Variants in NFIB observed in about 807,000 individuals in gnomAD.
The protein encoded by NFIB is nuclear factor 1 B-type.
A neutral mutation model predicts 61.5 loss-of-function variants in NFIB; 11 were observed. The ratio of observed to expected loss-of-function variants is 0.18; its 90% confidence interval spans 0.11 to 0.30. The LOEUF (loss-of-function observed/expected upper bound fraction) is 0.30, where lower values mean the gene tolerates loss of function less well. Among genes scored for constraint, NFIB ranks in the 10% least tolerant of loss-of-function variants. The pLI is 1.00. For missense variants in NFIB, 471 were observed against 608.9 expected (o/e 0.77, Z 2.38); for synonymous variants, 260 against 216.5 (o/e 1.20, Z -1.76).
the NFIB span, among the ~76,000 whole-genome samples, chr9:14,460,534 T>A: frequency 3.3e-5 from 5 of 151,994 alleles, no homozygotes; most frequent in Non-Finnish European, 5.9e-5. Context: ...AAAAGAGGGC[T>A]ATTTCTGTTG....
chr9:14,266,796 T>A (rs2057239943), intron 2 of NFIB, among the ~76,000 whole-genome samples: 1 of 152,082 alleles, frequency 6.6e-6, no homozygotes, highest in Non-Finnish European at 1.5e-5. Context: ...ATCTATCCAT[T>A]CCTGTTGTTT....
At chr9:14,140,247 A>T (rs2131037315) in intron 6 of NFIB, among the ~76,000 whole-genome samples, 1 of 152,274 alleles carries the variant, frequency 6.6e-6, no homozygotes, top group East Asian at 1.9e-4. Context: ...GACTTCATTT[A>T]ATGTTAATGA....
chr9:14,346,113 GGGGCGCGCCGCGGGCGC>G (rs1304531026), intron 1 of NFIB, among the ~76,000 whole-genome samples: 1 of 152,110 alleles, frequency 6.6e-6, no homozygotes, highest in Non-Finnish European at 1.5e-5. Flanking sequence ...CACGGGAAGG[GGGGCGCGCCGCGGGCGC>G]GGGGGGCGCG....
intron 2 of NFIB, among the ~76,000 whole-genome samples, chr9:14,228,880 G>A (rs941746293): frequency 6.6e-6 from 1 of 151,898 alleles, no homozygotes; most frequent in Non-Finnish European, 1.5e-5. Context: ...TATGAAATGG[G>A]GACACATAAA....
At chr9:14,441,217 T>C in the NFIB span, among the ~76,000 whole-genome samples, 2 of 151,436 alleles carry the variant, frequency 1.3e-5, no homozygotes, top group African/African-American at 2.4e-5. Context: ...GGATAAACTA[T>C]TCATTAGCAA....
the NFIB span, among the ~76,000 whole-genome samples, chr9:14,512,586 C>G: frequency 1.3e-5 from 2 of 151,978 alleles, no homozygotes; most frequent in Non-Finnish European, 2.9e-5. Context: ...AATATGCATA[C>G]AGAAATAAAA....
At chr9:14,413,459 A>G in the NFIB span, among the ~76,000 whole-genome samples, 1 of 152,176 alleles carries the variant, frequency 6.6e-6, no homozygotes, top group Non-Finnish European at 1.5e-5. Context: ...GCTTGATTTC[A>G]GATCCCTTAT....
intron 3 of NFIB, among the ~76,000 whole-genome samples, chr9:14,169,781 G>A (rs1017759781): frequency 2.2e-4 from 33 of 152,230 alleles, no homozygotes; most frequent in African/African-American, 8.0e-4. Flanking sequence ...TCATGTCACT[G>A]CACTCCAGCC....
At chr9:14,384,029 C>T (rs943638429) in intron 1 of NFIB, among the ~76,000 whole-genome samples, 4 of 152,266 alleles carry the variant, frequency 2.6e-5, no homozygotes, top group East Asian at 3.9e-4. Flanking sequence ...GGCTGGGGGG[C>T]GTGATGCTTA....
chr9:14,478,296 G>C, the NFIB span, among the ~76,000 whole-genome samples: 2 of 152,082 alleles, frequency 1.3e-5, no homozygotes, highest in Non-Finnish European at 2.9e-5. Context: ...TTCAGGGAGA[G>C]CTACACTTGC....
intron 1 of NFIB, among the ~76,000 whole-genome samples, chr9:14,380,869 G>A (rs2061479873): frequency 6.6e-6 from 1 of 152,024 alleles, no homozygotes; most frequent in South Asian, 2.1e-4. Flanking sequence ...AAAGGTGGTA[G>A]AAGCTAGGTG....
At chr9:14,427,941 T>TTTTTTTTTG in the NFIB span, among the ~76,000 whole-genome samples, 70 of 76,730 alleles carry the variant, frequency 9.1e-4, 6 homozygotes, top group Middle Eastern at 5.1e-3. Flanking sequence ...TCAGTTGTTT[T>TTTTTTTTTG]TTTTTTTTTT....
chr9:14,302,766 C>A (rs1237758824), intron 2 of NFIB, among the ~76,000 whole-genome samples: 1 of 152,100 alleles, frequency 6.6e-6, no homozygotes, highest in Non-Finnish European at 1.5e-5. Context: ...CACCACCACC[C>A]CCTTCCTTTT....
intron 2 of NFIB, among the ~76,000 whole-genome samples, chr9:14,240,532 C>G (rs2054247374): frequency 6.6e-6 from 1 of 152,144 alleles, no homozygotes; most frequent in African/African-American, 2.4e-5. Flanking sequence ...CAAACTTTAT[C>G]CAAAAACTCA....
chr9:14,504,402 T>G, the NFIB span, among the ~76,000 whole-genome samples: 11 of 152,224 alleles, frequency 7.2e-5, no homozygotes, highest in Non-Finnish European at 1.5e-5. Flanking sequence ...GCATTGAATT[T>G]GTAGATTGCT....
chr9:14,476,321 A>G, the NFIB span, among the ~76,000 whole-genome samples: 1 of 151,992 alleles, frequency 6.6e-6, no homozygotes. Flanking sequence ...AAATGTAAAA[A>G]CAGCTCAATT....
chr9:14,177,858 A>G (rs1248585749), intron 3 of NFIB, among the ~76,000 whole-genome samples: 1 of 152,218 alleles, frequency 6.6e-6, no homozygotes, highest in African/African-American at 2.4e-5. Flanking sequence ...CATCGAATGC[A>G]GCAAAAATGA....
At chr9:14,445,156 T>G in the NFIB span, among the ~76,000 whole-genome samples, 2 of 152,182 alleles carry the variant, frequency 1.3e-5, no homozygotes, top group Admixed American at 1.3e-4. Context: ...TAGTTGATTT[T>G]TCTGTATTGG....
rs115091026 is a variant in NFIB at position 14,364,702 on chromosome 9, G to C, written c.108+33822C>G. Among the ~76,000 whole-genome samples the C allele has an allele frequency of 1.8e-3, 274 of 152,320 alleles. 1 individual carries two copies. The highest frequency in any genetic ancestry group is 6.4e-3 in the African/African-American group (264 of 41,574). Reference sequence around the variant, plus strand: ...GACCCTGAGCCAGCCCTTTAAGGAAGAGCAAGGTTTGCCAATATCCAGTCT... The same window carrying C: ...GACCCTGAGCCAGCCCTTTAAGGAACAGCAAGGTTTGCCAATATCCAGTCT... On this transcript the variant is annotated intron_variant, in intron 1 of 8. Transcript: ENST00000380934.
Sources: gnomAD v4.1 joint callset for allele counts (sites outside exome capture counted in the v4.1 genomes callset) on GRCh38, gnomAD v4.1.1 for gene constraint, MANE v1.5 for transcripts, NCBI Gene and HGNC (gene_info 2026-07-23, HGNC 2026-07-21) for gene names.